Variants in GATA6 observed in about 807,000 individuals in gnomAD.
The protein encoded by GATA6 is GATA binding protein 6.
A neutral mutation model predicts 48.1 loss-of-function variants in GATA6; 11 were observed. The observed-to-expected ratio is 0.23, with a 90% CI of 0.14 to 0.38. The LOEUF is 0.38. GATA6 is among the 10% of genes least tolerant of loss of function. The pLI is 1.00. For missense variants in GATA6, 795 were observed against 850.3 expected (o/e 0.93, Z 0.81); for synonymous variants, 419 against 396.1 (o/e 1.06, Z -0.69).
At chr18:22,194,447 C>T (rs549896050) in intron 6 of GATA6, among the ~76,000 whole-genome samples, 21 of 152,164 alleles carry the variant, frequency 1.4e-4, no homozygotes, top group Admixed American at 1.4e-3. Context: ...TGCTGCCTGC[C>T]GAAAGGAGGG....
chr18:22,191,180 A>G (rs980757265), intron 6 of GATA6, among the ~76,000 whole-genome samples: 1 of 152,080 alleles, frequency 6.6e-6, no homozygotes, highest in Non-Finnish European at 1.5e-5. Context: ...TTTGTAACAT[A>G]TGTCCACATA....
intron 6 of GATA6, among the ~76,000 whole-genome samples, chr18:22,188,596 A>C (rs956057714): frequency 6.6e-6 from 1 of 152,206 alleles, no homozygotes; most frequent in Non-Finnish European, 1.5e-5. Flanking sequence ...TTTCAAATCA[A>C]CGATGGACTT....
rs1471238581 is a variant in GATA6 at position 22,171,519 on chromosome 18, C to T, written c.375C>T (p.Ser125=). 6.2e-7 allele frequency: 1 copy of T among 1,603,704 alleles called. No homozygotes were observed. The highest frequency in any genetic ancestry group is 1.1e-5 in the South Asian group (1 of 91,068). The stretch of plus-strand genomic sequence containing the variant: ...ACCTCGACCAAGCCGCGACCGCCAG[C>T]AAGCTGCTGTGGTCCAGCCGCGGCG... The part of the protein sequence containing the change: ...FTDLDQAATA[S]KLLWSSRGAK... Residue 125 remains serine (S), a synonymous_variant, in exon 2 of 7, where the codon AGC becomes AGT. Transcript: ENST00000269216. The surrounding 1 kb of genome is among the most constrained non-coding windows in gnomAD (Gnocchi z 7.1).
chr18:22,177,698 C>A (rs903624163), intron 3 of GATA6, among the ~76,000 whole-genome samples: 8 of 152,154 alleles, frequency 5.3e-5, no homozygotes, highest in Non-Finnish European at 1.2e-4. Flanking sequence ...CCCACTCACG[C>A]CTCCTCACAG....
At chr18:22,198,569 A>C (rs1440947110) in intron 6 of GATA6, among the ~76,000 whole-genome samples, 8 of 152,244 alleles carry the variant, frequency 5.3e-5, no homozygotes, top group Non-Finnish European at 5.9e-5. Flanking sequence ...TAAGAAAATC[A>C]ATGCAAAGTT....
chr18:22,200,449 C>T (rs2033445226), intron 6 of GATA6, among the ~76,000 whole-genome samples: 1 of 152,186 alleles, frequency 6.6e-6, no homozygotes, highest in African/African-American at 2.4e-5. Flanking sequence ...AGGTCAGTGG[C>T]ACTGTGTGCA....
chr18:22,200,929 G>T lies in GATA6; in HGVS notation c.*106G>T. On this transcript the variant is annotated 3_prime_UTR_variant, in exon 7 of 7. Transcript: ENST00000269216. ...AGTGGCGACTGCGCTGACAGAACGT[G>T]ATTCTCGTGCCTTTATTTTGAAAGA... 2 of 1,168,356 alleles carry T rather than the reference G, an allele frequency of 1.7e-6. No individual in the cohort carries two copies. The highest frequency in any genetic ancestry group is 1.2e-6 in the Non-Finnish European group (1 of 829,470). The allele number at this position is 1,168,356 out of a possible 1,614,324, so 72.4% of individuals were successfully genotyped here.
In GATA6 at chr18:22,177,200, C is replaced by A. The variant is rs2033134054; in HGVS notation, c.1302+79C>A. The A allele has an allele frequency of 3.6e-6, 5 of 1,388,934 alleles. No individual in the cohort carries two copies. In the Admixed American group the frequency reaches 1.4e-4, roughly 40 times the overall value. The allele number at this position is 1,388,934 out of a possible 1,614,324, so 86.0% of individuals were successfully genotyped here. A position where few individuals can be genotyped will look rare whatever the true frequency, so the allele number is the denominator to read the frequency against. On this transcript the variant is annotated intron_variant, in intron 3 of 6. Coordinates refer to ENST00000269216, the MANE Select transcript of GATA6 (RefSeq NM_005257.6). ...CCCGGCCGGCCCCGCCCTGGCTCGGCCTGCCTTGGGCGTCCCCCTCCCAGG... is the reference window on the plus strand; with the variant it reads ...CCCGGCCGGCCCCGCCCTGGCTCGGACTGCCTTGGGCGTCCCCCTCCCAGG...
intron 3 of GATA6, chr18:22,180,068 T>C (rs2033173870): frequency 6.6e-6 from 1 of 152,224 alleles, no homozygotes; most frequent in Admixed American, 6.5e-5. Context: ...AATTTTGTAA[T>C]TTTCAACTTG....
In GATA6 at chr18:22,171,458, A is replaced by G. The variant is rs1185679421; in HGVS notation, c.314A>G (p.Asn105Ser). The G allele has an allele frequency of 3.8e-6, 6 of 1,598,178 alleles. No individual in the cohort carries two copies. In the Admixed American group the frequency reaches 8.4e-5, roughly 22 times the overall value. The change falls in exon 2 of 7, where the codon AAC becomes AGC. Residue 105 changes from asparagine (N) to serine (S), a missense_variant. By Grantham distance (46) the Asn-to-Ser change is conservative. This residue lies in a region of GATA6 where 591 missense variants were observed against 570.0 expected (regional missense o/e 1.04). Coordinates refer to ENST00000269216, the MANE Select transcript of GATA6 (RefSeq NM_005257.6). This position sits in a 1 kb window ranked among gnomAD's most constrained non-coding sequence, Gnocchi z 7.1. ...SAPGVAGPGG[N>S]LSSWEDLLLF... ...CCTGGGGTCGCGGGCCCCGGGGGCA[A>G]CCTGTCGAGCTGGGAGGACTTGCTG...
At chr18:22,178,422 G>A (rs929276791) in intron 3 of GATA6, among the ~76,000 whole-genome samples, 1 of 152,166 alleles carries the variant, frequency 6.6e-6, no homozygotes, top group African/African-American at 2.4e-5. Flanking sequence ...TTTGTTTAGC[G>A]AAGTACTCAT....
At chr18:22,174,582 T>C (rs1425538813) in intron 2 of GATA6, among the ~76,000 whole-genome samples, 1 of 152,124 alleles carries the variant, frequency 6.6e-6, no homozygotes, top group Non-Finnish European at 1.5e-5. Context: ...AACACCCAGC[T>C]TTTGCATAGA....
chr18:22,196,747 T>A (rs9304123), intron 6 of GATA6, among the ~76,000 whole-genome samples: 26,069 of 151,396 alleles, frequency 0.17, 6,446 homozygotes, highest in African/African-American at 0.55. Context: ...GTCTCAAAAA[T>A]AAAAAATAAA....
rs575739923 is a variant in GATA6 at position 22,189,281 on chromosome 18, T to C, written c.1620+6238T>C. On this transcript the variant is annotated intron_variant, in intron 6 of 6. Transcript: ENST00000269216. The stretch of plus-strand genomic sequence containing the variant: ...CAAGTTAAGATTATTTGATGTGCTC[T>C]ATAAGGCCTCTGAAGAAAGCTTAGG... Among the ~76,000 whole-genome samples the C allele has an allele frequency of 3.9e-5, 6 of 152,356 alleles. No individual in the cohort carries two copies. In the East Asian group the frequency reaches 1.2e-3, roughly 29 times the overall value.
intron 6 of GATA6, among the ~76,000 whole-genome samples, chr18:22,199,888 G>A (rs1482964591): frequency 7.7e-6 from 1 of 129,218 alleles, no homozygotes; most frequent in Non-Finnish European, 1.6e-5. Flanking sequence ...GGGAGACAGT[G>A]AGACTCTGTT....
rs59255780 is a variant in GATA6 at position 22,200,176 on chromosome 18, AGTGTGT to A, written c.1621-460_1621-455del. Among the ~76,000 whole-genome samples, 130 of 150,468 alleles carry A rather than the reference AGTGTGT, an allele frequency of 8.6e-4. 1 individual carries two copies. Among genetic ancestry groups the A allele is most frequent in the Non-Finnish European group, 1.4e-3 (94 of 67,410 alleles). ...GCCATCACTGGATAAGCCTTGTTAG[AGTGTGT>A]GTGTGTGTGTGTGTGTGTGCGCGCG... On this transcript the variant is annotated intron_variant, in intron 6 of 6. Coordinates refer to ENST00000269216, the MANE Select transcript of GATA6 (RefSeq NM_005257.6).
In GATA6 at chr18:22,202,046, T is replaced by C. The variant is rs1337816134; in HGVS notation, c.*1223T>C. ...CTGTATGTGACTATAGATATTCATA[T>C]AAAACAAGTGCACGTGAAGTTTGCA... is the stretch of plus-strand genomic sequence containing the variant. On this transcript the variant is annotated 3_prime_UTR_variant, in exon 7 of 7. Coordinates refer to ENST00000269216, the MANE Select transcript of GATA6 (RefSeq NM_005257.6). The C allele has an allele frequency of 6.6e-6, 1 of 152,366 alleles. No individual in the cohort carries two copies. The highest frequency in any genetic ancestry group is 1.9e-4 in the East Asian group (1 of 5,186). The allele number at this position is 152,366 out of a possible 1,614,324, so 9.4% of individuals were successfully genotyped here.
intron 6 of GATA6, among the ~76,000 whole-genome samples, chr18:22,183,259 T>C (rs1293586280): frequency 6.6e-6 from 1 of 152,190 alleles, no homozygotes; most frequent in African/African-American, 2.4e-5. Flanking sequence ...ATCGGTATCA[T>C]TTTTTTATGG....
intron 2 of GATA6, among the ~76,000 whole-genome samples, chr18:22,173,471 C>T (rs957292581): frequency 3.9e-5 from 6 of 152,164 alleles, no homozygotes; most frequent in Non-Finnish European, 8.8e-5. Context: ...GGAGCCTCGA[C>T]GCTACCTTTA....
Sources: allele counts gnomAD v4.1 joint callset (sites outside exome capture counted in the v4.1 genomes callset), GRCh38; gene constraint gnomAD v4.1.1; regional missense constraint gnomAD v4.1.1; non-coding constraint Gnocchi (gnomAD v3.1); transcripts MANE v1.5; gene names NCBI Gene and HGNC (gene_info 2026-07-23, HGNC 2026-07-21).